The following TDRD12 variants were observed in gnomAD, a reference collection of about 807,000 sequenced individuals.
TDRD12 encodes the protein tudor domain containing 12, also known as putative ATP-dependent RNA helicase TDRD12.
TDRD12 carries 158 observed loss-of-function variants against 133.5 expected under a neutral mutation model. The ratio of observed to expected loss-of-function variants is 1.18; its 90% CI spans 1.04 to 1.35. The LOEUF (loss-of-function observed/expected upper bound fraction) is 1.35. TDRD12 is among the 40% of genes most tolerant of loss of function. The pLI, the probability that TDRD12 is intolerant of heterozygous loss-of-function variation, is 0.00. For missense variants in TDRD12, 1,443 were observed against 1,321.3 expected, an observed-to-expected ratio of 1.09 and a Z score of -1.43; for synonymous variants, 460 against 477.9, an observed-to-expected ratio of 0.96 and a Z score of 0.49.
At chr19:32,722,991 C>A in intron 1 of TDRD12, among the ~76,000 whole-genome samples, 1 of 151,878 alleles carries the variant, frequency 6.6e-6, no homozygotes, top group South Asian at 2.1e-4. Flanking sequence ...CCCCATGTAA[C>A]CTTTTAGAAG....
chr19:32,772,217 C>T lies in TDRD12; in HGVS notation c.866-536C>T, dbSNP rs116310571. Reference sequence around the variant, plus strand: ...CAGCTGGGACTCTTGTCCGAAATGTCCTGGTATCCTTTCCATGTGGCTGCT... The same window carrying T: ...CAGCTGGGACTCTTGTCCGAAATGTTCTGGTATCCTTTCCATGTGGCTGCT... On this transcript the variant is annotated intron_variant, in intron 8 of 27. Coordinates refer to ENST00000444215, the Ensembl canonical transcript of TDRD12. Among the ~76,000 whole-genome samples, 607 of 152,298 alleles carry T rather than the reference C, an allele frequency of 4.0e-3. 4 individuals are homozygous for T. Among genetic ancestry groups the T allele is most frequent in the African/African-American group, 0.014 (563 of 41,554 alleles).
intron 22 of TDRD12, among the ~76,000 whole-genome samples, chr19:32,808,698 G>A (rs1342214401): frequency 6.6e-6 from 1 of 152,222 alleles, no homozygotes; most frequent in African/African-American, 2.4e-5. Context: ...AACCCACTAC[G>A]GTTTTCATTA....
exon 19 of TDRD12, chr19:32,801,873 G>T: frequency 8.3e-7 from 1 of 1,200,614 alleles, no homozygotes; most frequent in South Asian, 1.6e-5. Context: ...AATTATATTA[G>T]GTAAGTGTTT....
intron 6 of TDRD12, among the ~76,000 whole-genome samples, chr19:32,751,203 GTT>G (rs1283489036): frequency 1.3e-5 from 2 of 149,976 alleles, no homozygotes; most frequent in East Asian, 4.0e-4. Flanking sequence ...AACATGCAGT[GTT>G]TGTTTTTCAG....
In TDRD12 at chr19:32,794,829, T is replaced by G. The variant is rs113648078; in HGVS notation, c.1473+16T>G. ...TAGAAATGGAGTAAGTCAAAGACAG[T>G]TTTGCCTCACAACCAAATGGGTTAA... On this transcript the variant is annotated intron_variant, in intron 14 of 27. Transcript: ENST00000444215. 1.5e-3 allele frequency: 1,054 copies of G among 700,330 alleles called. 6 individuals are homozygous for G. In the African/African-American group the frequency reaches 0.015, roughly 10 times the overall value. 43.4% of individuals were successfully genotyped at this position (700,330 alleles called of 1,614,324 possible).
chr19:32,806,259 T>C (rs140355007), intron 21 of TDRD12, among the ~76,000 whole-genome samples: 2 of 152,272 alleles, frequency 1.3e-5, no homozygotes, highest in African/African-American at 2.4e-5. Flanking sequence ...AAGATAACTG[T>C]TGACATTAAC....
intron 11 of TDRD12, among the ~76,000 whole-genome samples, chr19:32,784,514 G>A (rs1288390669): frequency 6.6e-6 from 1 of 152,144 alleles, no homozygotes; most frequent in East Asian, 1.9e-4. Flanking sequence ...AAATGAGTTA[G>A]GAAGGATTCC....
At chr19:32,779,322 C>T (rs1281645884) in intron 11 of TDRD12, among the ~76,000 whole-genome samples, 1 of 152,170 alleles carries the variant, frequency 6.6e-6, no homozygotes, top group Non-Finnish European at 1.5e-5. Context: ...GTCTTTTTGT[C>T]TCGCTGATGG....
At chr19:32,813,083 G>A (rs1967060869) in intron 24 of TDRD12, among the ~76,000 whole-genome samples, 1 of 152,170 alleles carries the variant, frequency 6.6e-6, no homozygotes, top group Admixed American at 6.5e-5. Context: ...GGCTGAGTAA[G>A]GAGGATCGCT....
intron 2 of TDRD12, among the ~76,000 whole-genome samples, 198 bp from the exon 3 acceptor site, chr19:32,738,657 AC>A (rs1302379256): frequency 2.0e-5 from 3 of 152,030 alleles, no homozygotes; most frequent in Non-Finnish European, 4.4e-5. Context: ...CTACTAAAAT[AC>A]AAAAATTAGC....
At chr19:32,773,425 A>AT in intron 9 of TDRD12, 31 bp from the exon 10 acceptor site, 1 of 1,544,020 alleles carries the variant, frequency 6.5e-7, no homozygotes, top group Non-Finnish European at 8.8e-7. Flanking sequence ...TAGCATACAC[A>AT]TTCTTTCTGA....
intron 3 of TDRD12, among the ~76,000 whole-genome samples, chr19:32,741,334 G>A (rs1016312419): frequency 5.9e-5 from 9 of 152,228 alleles, no homozygotes; most frequent in East Asian, 1.9e-4. Context: ...CACCCGCCTC[G>A]GCTTCCCAAA....
downstream of TDRD12, among the ~76,000 whole-genome samples, chr19:32,825,815 G>A (rs1468294451): frequency 6.6e-6 from 1 of 152,142 alleles, no homozygotes; most frequent in Non-Finnish European, 1.5e-5. This position sits in a 1 kb window ranked among gnomAD's most constrained non-coding sequence, Gnocchi z 4.1. Context: ...CGAAGGCAGA[G>A]GTTGCAGTGA....
In TDRD12 at chr19:32,756,147, GT is replaced by G; in HGVS notation, c.743del (p.Leu248CysfsTer15). 7.0e-7 allele frequency: 1 copy of G among 1,434,460 alleles called. No homozygotes were observed. The highest frequency in any genetic ancestry group is 9.1e-7 in the Non-Finnish European group (1 of 1,096,754). The allele number at this position is 1,434,460 out of a possible 1,614,324, so 88.9% of individuals were successfully genotyped here. A position where few individuals can be genotyped will look rare whatever the true frequency, so the allele number is the denominator to read the frequency against. On this transcript the variant is annotated frameshift_variant, in exon 7 of 28. Coordinates refer to ENST00000444215, the Ensembl canonical transcript of TDRD12. LOFTEE classifies it high-confidence loss of function. ...ATCCAGCACTTACACTCTGGCCAAT[GT>G]TTTTGCAAGGAAAAGATGTTCAAGG...
intron 11 of TDRD12, among the ~76,000 whole-genome samples, chr19:32,784,728 C>G (rs1481274350): frequency 6.6e-6 from 1 of 152,074 alleles, no homozygotes; most frequent in Non-Finnish European, 1.5e-5. Context: ...GTGTATGTGT[C>G]CAGGAGTTTA....
rs779813527 is a variant in TDRD12, at chr19:32,802,899, C to T, written c.2332-23C>T. The T allele has an allele frequency of 1.6e-5, 25 of 1,530,306 alleles. No homozygotes were observed. The East Asian group carries it at 4.2e-4, about 25-fold the overall frequency. 94.8% of individuals were successfully genotyped at this position (1,530,306 alleles called of 1,614,324 possible). A position where few individuals can be genotyped will look rare whatever the true frequency, so the allele number is the denominator to read the frequency against. On this transcript the variant is annotated intron_variant, in intron 20 of 27. Coordinates refer to ENST00000444215, the Ensembl canonical transcript of TDRD12. Reference sequence around the variant, plus strand: ...CAGACTGGGATAGATGATCCACTTCCTTTATTCACCCCCAATTTTCAGGGT... The same window carrying T: ...CAGACTGGGATAGATGATCCACTTCTTTTATTCACCCCCAATTTTCAGGGT...
chr19:32,801,991 C>G (rs35241694), intron 19 of TDRD12, 118 bp downstream of exon 19: 252,979 of 442,230 alleles, frequency 0.57, 74,981 homozygotes, highest in East Asian at 0.86. Flanking sequence ...TTTACTGAGA[C>G]TTTATTAGCA....
chr19:32,727,874 G>A (rs1432319389), intron 1 of TDRD12, among the ~76,000 whole-genome samples: 5 of 152,028 alleles, frequency 3.3e-5, no homozygotes, highest in Non-Finnish European at 7.4e-5. Flanking sequence ...CACCATGTTG[G>A]CCAGGCTTGT....
At chr19:32,787,305 G>A (rs1418627085) in intron 11 of TDRD12, among the ~76,000 whole-genome samples, 1 of 152,118 alleles carries the variant, frequency 6.6e-6, no homozygotes, top group Admixed American at 6.5e-5. Context: ...TCATCCCAGA[G>A]GGACACCCAC....
Sources: gnomAD v4.1 joint callset for allele counts (sites outside exome capture counted in the v4.1 genomes callset) on GRCh38, gnomAD v4.1.1 for gene constraint, Gnocchi (gnomAD v3.1) non-coding constraint, MANE v1.5 for transcripts, NCBI Gene and HGNC (gene_info 2026-07-23, HGNC 2026-07-21) for gene names.